The following ELOVL6 variants were observed in gnomAD, a reference collection of about 807,000 sequenced individuals.
The protein encoded by ELOVL6 is ELOVL fatty acid elongase 6.
In ELOVL6, 8 loss-of-function variants were observed where a neutral mutation model predicts 31.7. The observed-to-expected ratio is 0.25, with a 90% confidence interval of 0.15 to 0.45. ELOVL6 has a LOEUF of 0.45. Ranked by LOEUF, ELOVL6 falls within the 20% of genes least tolerant of loss-of-function variation. ELOVL6 has a pLI of 1.00. For synonymous variants in ELOVL6, 101 were observed against 117.7 expected (o/e 0.86, Z 0.92); for missense variants, 126 against 326.4 (o/e 0.39, Z 4.73).
chr4:110,181,185 G>A (rs1759261084), intron 1 of ELOVL6, among the ~76,000 whole-genome samples: 2 of 151,902 alleles, frequency 1.3e-5, no homozygotes, highest in African/African-American at 2.4e-5. Flanking sequence ...AGTGGCTCAC[G>A]CCTGTAATCC....
intron 2 of ELOVL6, 127 bp downstream of exon 2, chr4:110,105,370 T>G (rs760775544): frequency 5.5e-5 from 56 of 1,009,200 alleles, no homozygotes; most frequent in Non-Finnish European, 8.1e-5. Flanking sequence ...GAACATGACT[T>G]TATTTTATGT....
chr4:110,113,160 A>G (rs981401552), intron 1 of ELOVL6, among the ~76,000 whole-genome samples: 1 of 151,136 alleles, frequency 6.6e-6, no homozygotes, highest in African/African-American at 2.4e-5. Flanking sequence ...CCTGGGAGGC[A>G]TAGGCTGCAG....
At chr4:110,146,896 AGGAGAATTGCTTGAACCTG>A (rs1484691385) in intron 1 of ELOVL6, 7 of 152,452 alleles carry the variant, frequency 4.6e-5, no homozygotes, top group Non-Finnish European at 8.8e-5. Flanking sequence ...AGGCTGAGGC[AGGAGAATTGCTTGAACCTG>A]GGAGGTGGAG....
intron 1 of ELOVL6, among the ~76,000 whole-genome samples, chr4:110,171,273 G>A (rs970255949): frequency 8.5e-5 from 13 of 152,108 alleles, no homozygotes; most frequent in Non-Finnish European, 1.5e-4. Context: ...GCTGGGTGTG[G>A]TGGTTGATGC....
At chr4:110,098,104 A>G (rs1340446068) in intron 2 of ELOVL6, among the ~76,000 whole-genome samples, 1 of 152,222 alleles carries the variant, frequency 6.6e-6, no homozygotes, top group East Asian at 1.9e-4. Context: ...ATTAACCGTG[A>G]TAGATTCTTC....
At chr4:110,181,898 G>A (rs1302860587) in intron 1 of ELOVL6, among the ~76,000 whole-genome samples, 2 of 152,102 alleles carry the variant, frequency 1.3e-5, no homozygotes, top group Admixed American at 6.6e-5. Flanking sequence ...TCTAAACTTC[G>A]TTTCAGAGAG....
At chr4:110,084,880 A>G (rs1327848877) in intron 2 of ELOVL6, among the ~76,000 whole-genome samples, 1 of 151,812 alleles carries the variant, frequency 6.6e-6, no homozygotes. Context: ...GGTGTGAGCC[A>G]CCGTGCCCGG....
At chr4:110,111,185 C>G (rs1020389938) in intron 1 of ELOVL6, among the ~76,000 whole-genome samples, 2 of 152,160 alleles carry the variant, frequency 1.3e-5, no homozygotes, top group African/African-American at 4.8e-5. Context: ...TTTTTCCCCC[C>G]TTGTCACCTT....
At chr4:110,117,549 G>A (rs949935597) in intron 1 of ELOVL6, among the ~76,000 whole-genome samples, 2 of 151,866 alleles carry the variant, frequency 1.3e-5, no homozygotes, top group African/African-American at 4.8e-5. Context: ...ACTACGATGG[G>A]CCATGTCCAG....
At chr4:110,167,642 C>T (rs1758813877) in intron 1 of ELOVL6, among the ~76,000 whole-genome samples, 1 of 151,298 alleles carries the variant, frequency 6.6e-6, no homozygotes, top group South Asian at 2.1e-4. Context: ...GGGTGCCTGC[C>T]ACCACCTCAG....
chr4:110,155,012 G>A (rs77142066), intron 1 of ELOVL6, among the ~76,000 whole-genome samples: 5,150 of 152,130 alleles, frequency 0.034, 289 homozygotes, highest in African/African-American at 0.12. Flanking sequence ...TTTTAAGCAC[G>A]TTAGGCACTT....
intron 1 of ELOVL6, among the ~76,000 whole-genome samples, chr4:110,195,670 G>A (rs1759752329): frequency 6.6e-6 from 1 of 152,164 alleles, no homozygotes; most frequent in Non-Finnish European, 1.5e-5. Context: ...AAGCCAGGAA[G>A]GGAAAAATCC....
intron 1 of ELOVL6, among the ~76,000 whole-genome samples, chr4:110,172,798 GTC>G (rs749298670): frequency 1.3e-4 from 20 of 152,276 alleles, no homozygotes; most frequent in Admixed American, 5.2e-4. Flanking sequence ...GAGCTTTTAA[GTC>G]TTGTTACAGT....
chr4:110,190,873 G>A (rs1205252410), intron 1 of ELOVL6, among the ~76,000 whole-genome samples: 2 of 150,310 alleles, frequency 1.3e-5, no homozygotes, highest in African/African-American at 2.5e-5. Context: ...AAGCTGCATT[G>A]CAGTGGCATA....
At chr4:110,166,537 C>G (rs546267619) in intron 1 of ELOVL6, among the ~76,000 whole-genome samples, 2 of 152,050 alleles carry the variant, frequency 1.3e-5, no homozygotes, top group Non-Finnish European at 2.9e-5. Flanking sequence ...CGCTTGAACC[C>G]GGGAGGAGGG....
At chr4:110,070,933 G>T (rs1490946011) in intron 2 of ELOVL6, among the ~76,000 whole-genome samples, 1 of 152,038 alleles carries the variant, frequency 6.6e-6, no homozygotes, top group Non-Finnish European at 1.5e-5. Context: ...ATGTAAGAAG[G>T]GACGAATAAA....
chr4:110,100,554 A>G (rs1756712469), intron 2 of ELOVL6, among the ~76,000 whole-genome samples: 1 of 152,164 alleles, frequency 6.6e-6, no homozygotes, highest in Admixed American at 6.5e-5. Context: ...TTCATGAGTG[A>G]ACAGTGTATG....
At chr4:110,110,969 A>G (rs1757017380) in intron 1 of ELOVL6, among the ~76,000 whole-genome samples, 1 of 152,212 alleles carries the variant, frequency 6.6e-6, no homozygotes. Flanking sequence ...TTTAGAGATC[A>G]CAGGTTCTCC....
intron 1 of ELOVL6, among the ~76,000 whole-genome samples, chr4:110,113,317 T>C (rs1757088932): frequency 6.6e-6 from 1 of 151,812 alleles, no homozygotes; most frequent in Admixed American, 6.6e-5. Flanking sequence ...TGGTGGCTCA[T>C]GCCTGTAATC....
Sources: gnomAD v4.1 joint callset for allele counts (sites outside exome capture counted in the v4.1 genomes callset) on GRCh38, gnomAD v4.1.1 for gene constraint, MANE v1.5 for transcripts, NCBI Gene and HGNC (gene_info 2026-07-23, HGNC 2026-07-21) for gene names.